ADGRL3: variants seen among roughly 807,000 people sequenced by gnomAD.
ADGRL3 encodes calcium-independent alpha-latrotoxin receptor 3.
ADGRL3 carries 62 observed loss-of-function variants against 153.5 expected under a neutral mutation model. The ratio of observed to expected loss-of-function variants is 0.40; its 90% CI spans 0.33 to 0.50. The LOEUF is 0.50. ADGRL3 is among the 20% of genes least tolerant of loss of function. The pLI is 0.47. For synonymous variants in ADGRL3, 710 were observed against 672.5 expected (o/e 1.06, Z -0.86); for missense variants, 1,641 against 1,859.4 (o/e 0.88, Z 2.16).
intron 2 of ADGRL3, among the ~76,000 whole-genome samples, chr4:61,468,934 A>T (rs558781051): frequency 6.6e-6 from 1 of 152,170 alleles, no homozygotes; most frequent in African/African-American, 2.4e-5. Context: ...AAGTATATAT[A>T]CAAAGTTATA....
At chr4:61,437,226 G>A (rs930115791) in intron 2 of ADGRL3, among the ~76,000 whole-genome samples, 2 of 151,998 alleles carry the variant, frequency 1.3e-5, no homozygotes, top group East Asian at 1.9e-4. Context: ...TTTATTCAAC[G>A]CTTTGGAAAG....
At position 61,660,082 on chromosome 4, in the gene ADGRL3, A is replaced by G. The variant is rs1336479784; in HGVS notation, c.474-16744A>G. 2.0e-5 allele frequency among the ~76,000 whole-genome samples: 3 copies of G among 152,294 alleles called. No individual in the cohort carries two copies. The East Asian group carries it at 5.8e-4, about 29-fold the overall frequency. On this transcript the variant is annotated intron_variant, in intron 5 of 26. Transcript: ENST00000683033. ...TTAACCAAATGCCAAACACGATGCT[A>G]TAGAGGCTGGAATCTAAAAGTTTAG...
intron 2 of ADGRL3, among the ~76,000 whole-genome samples, chr4:61,469,386 T>G (rs1290353805): frequency 6.6e-6 from 1 of 152,102 alleles, no homozygotes; most frequent in Non-Finnish European, 1.5e-5. Flanking sequence ...AAGCACATAG[T>G]AAGTATTCAG....
chr4:61,833,111 A>T (rs946062914), intron 9 of ADGRL3, among the ~76,000 whole-genome samples: 1 of 152,210 alleles, frequency 6.6e-6, no homozygotes, highest in African/African-American at 2.4e-5. Flanking sequence ...CTTCAAATTT[A>T]TTCCATTTTT....
At chr4:61,484,916 G>GTTA (rs2098172542) in intron 2 of ADGRL3, among the ~76,000 whole-genome samples, 1 of 151,788 alleles carries the variant, frequency 6.6e-6, no homozygotes, top group Non-Finnish European at 1.5e-5. Flanking sequence ...TAAAAACTAT[G>GTTA]TTGAACTTAT....
chr4:61,205,403 G>C (rs1040718881), intron 1 of ADGRL3, among the ~76,000 whole-genome samples: 1 of 152,142 alleles, frequency 6.6e-6, no homozygotes, highest in Non-Finnish European at 1.5e-5. Context: ...GGTGTGAATG[G>C]CTAGAGTAGT....
intron 1 of ADGRL3, among the ~76,000 whole-genome samples, chr4:61,357,701 A>G (rs550366753): frequency 3.3e-5 from 5 of 152,300 alleles, no homozygotes; most frequent in South Asian, 2.1e-4. Context: ...GAAAATACAT[A>G]TATGTAAATT....
At chr4:61,912,872 A>T in intron 13 of ADGRL3, 115 bp downstream of exon 13, 1 of 939,746 alleles carries the variant, frequency 1.1e-6, no homozygotes. Flanking sequence ...AAGGAATTTC[A>T]TGGAGGGGGA....
chr4:61,364,841 C>T (rs894170569), intron 1 of ADGRL3, among the ~76,000 whole-genome samples: 3 of 152,026 alleles, frequency 2.0e-5, no homozygotes, highest in Non-Finnish European at 4.4e-5. Flanking sequence ...CTTTTCTCTT[C>T]GATAGTACCT....
At chr4:61,828,545 A>T (rs1450989179) in intron 9 of ADGRL3, among the ~76,000 whole-genome samples, 1 of 152,140 alleles carries the variant, frequency 6.6e-6, no homozygotes, top group Non-Finnish European at 1.5e-5. Context: ...AAATCTTCAG[A>T]GTTTAAAAAT....
At chr4:61,577,899 G>C (rs981955556) in intron 4 of ADGRL3, among the ~76,000 whole-genome samples, 5 of 151,710 alleles carry the variant, frequency 3.3e-5, no homozygotes, top group African/African-American at 9.7e-5. Context: ...TTCTATATTA[G>C]TACAGTAGAT....
chr4:62,041,953 C>A (rs1728560657), intron 24 of ADGRL3, among the ~76,000 whole-genome samples: 1 of 152,042 alleles, frequency 6.6e-6, no homozygotes, highest in African/African-American at 2.4e-5. Context: ...TGCCATCAGA[C>A]ATGTTCATTA....
chr4:61,894,166 A>G (rs1025476977), intron 10 of ADGRL3, among the ~76,000 whole-genome samples: 1 of 152,162 alleles, frequency 6.6e-6, no homozygotes, highest in African/African-American at 2.4e-5. Context: ...ATTATTCTCT[A>G]AAATATGTAA....
intron 13 of ADGRL3, among the ~76,000 whole-genome samples, chr4:61,928,638 G>A (rs1016414962): frequency 6.6e-6 from 1 of 152,072 alleles, no homozygotes; most frequent in African/African-American, 2.4e-5. Flanking sequence ...AGATAAATAT[G>A]CATTTCTTAT....
intron 5 of ADGRL3, among the ~76,000 whole-genome samples, chr4:61,639,578 A>C (rs1185018138): frequency 6.6e-6 from 1 of 152,158 alleles, no homozygotes; most frequent in Non-Finnish European, 1.5e-5. Context: ...TAGGTTTATT[A>C]TCCAAAATAA....
chr4:61,343,077 A>G (rs2095838208), intron 1 of ADGRL3, among the ~76,000 whole-genome samples: 1 of 152,148 alleles, frequency 6.6e-6, no homozygotes, highest in African/African-American at 2.4e-5. Flanking sequence ...TTCCCTTACC[A>G]GGAGAACAGT....
chr4:61,288,700 A>G (rs998086960), intron 1 of ADGRL3, among the ~76,000 whole-genome samples: 1 of 151,992 alleles, frequency 6.6e-6, no homozygotes, highest in East Asian at 1.9e-4. Context: ...TGTATGGCCA[A>G]TGTTTCCCAA....
intron 8 of ADGRL3, among the ~76,000 whole-genome samples, chr4:61,769,548 C>T (rs1009702555): frequency 8.5e-5 from 13 of 152,124 alleles, no homozygotes; most frequent in East Asian, 1.9e-4. Flanking sequence ...AAATTTCATG[C>T]GCGTCCATGT....
chr4:61,844,575 A>ATATATAT (rs71213013), intron 9 of ADGRL3, among the ~76,000 whole-genome samples: 2 of 18,104 alleles, frequency 1.1e-4, no homozygotes, highest in African/African-American at 2.6e-4. Context: ...AAAAAAAAAA[A>ATATATAT]ATATATATAT....
Sources: gnomAD v4.1 joint callset for allele counts (sites outside exome capture counted in the v4.1 genomes callset) on GRCh38, gnomAD v4.1.1 for gene constraint, MANE v1.5 for transcripts, NCBI Gene and HGNC (gene_info 2026-07-23, HGNC 2026-07-21) for gene names.